FOCAD: variants seen among roughly 807,000 people sequenced by gnomAD.
FOCAD encodes focadhesin.
In FOCAD, 198 loss-of-function variants were observed where a neutral mutation model predicts 225.6. The observed-to-expected ratio is 0.88, with a 90% confidence interval of 0.78 to 0.99. The LOEUF (loss-of-function observed/expected upper bound fraction) is 0.99, where lower values mean the gene tolerates loss of function less well. FOCAD is among the 50% of genes least tolerant of loss of function. The pLI is 0.00. For synonymous variants in FOCAD, 897 were observed against 755.0 expected, an observed-to-expected ratio of 1.19 and a Z score of -3.08; for missense variants, 2,713 against 2,123.6, an observed-to-expected ratio of 1.28 and a Z score of -5.46.
intron 35 of FOCAD, among the ~76,000 whole-genome samples, chr9:20,964,782 C>G (rs1399766494): frequency 1.3e-5 from 2 of 152,182 alleles, no homozygotes; most frequent in Admixed American, 6.5e-5. Context: ...GATCCATCCT[C>G]CTCGGCCTCC....
chr9:20,658,132 C>T (rs565971583), upstream of FOCAD, among the ~76,000 whole-genome samples: 11 of 151,188 alleles, frequency 7.3e-5, no homozygotes, highest in African/African-American at 1.2e-4. Flanking sequence ...GCAGTCTGCC[C>T]GTTCTCAGAT....
chr9:20,806,268 G>A (rs927673788), intron 11 of FOCAD, among the ~76,000 whole-genome samples: 53 of 152,268 alleles, frequency 3.5e-4, no homozygotes, highest in African/African-American at 1.2e-3. Context: ...TCTATATGAA[G>A]TATTATTTTA....
chr9:20,984,865 A>G (rs951256387), intron 39 of FOCAD, among the ~76,000 whole-genome samples: 5 of 152,180 alleles, frequency 3.3e-5, no homozygotes, highest in African/African-American at 1.2e-4. Flanking sequence ...CAGTGGCATG[A>G]TCTCAACTCA....
intron 8 of FOCAD, among the ~76,000 whole-genome samples, chr9:20,776,311 G>A (rs1587120737): frequency 1.3e-5 from 2 of 152,212 alleles, no homozygotes; most frequent in Non-Finnish European, 2.9e-5. Flanking sequence ...GCATGGTGGA[G>A]CTTCAGGGGA....
intron 4 of FOCAD, among the ~76,000 whole-genome samples, chr9:20,739,199 C>T (rs1270602419): frequency 6.6e-6 from 1 of 152,172 alleles, no homozygotes; most frequent in African/African-American, 2.4e-5. Flanking sequence ...ATAAAGTTAA[C>T]ATTGATTTCT....
At chr9:20,878,137 G>A (rs1197786736) in intron 19 of FOCAD, among the ~76,000 whole-genome samples, 1 of 151,590 alleles carries the variant, frequency 6.6e-6, no homozygotes, top group East Asian at 1.9e-4. Flanking sequence ...AAAAAAAAAT[G>A]CATAAAACCA....
intron 16 of FOCAD, among the ~76,000 whole-genome samples, chr9:20,863,994 T>C (rs890624475): frequency 6.6e-6 from 1 of 152,048 alleles, no homozygotes; most frequent in African/African-American, 2.4e-5. Flanking sequence ...TATCTTATAC[T>C]AGGGTTCCTC....
intron 10 of FOCAD, among the ~76,000 whole-genome samples, chr9:20,782,798 T>C (rs1819510534): frequency 6.6e-6 from 1 of 152,232 alleles, no homozygotes; most frequent in African/African-American, 2.4e-5. Context: ...TTATGTTAAA[T>C]GCTCCAGCAG....
At chr9:20,930,127 T>G (rs1401382998) in intron 27 of FOCAD, among the ~76,000 whole-genome samples, 2 of 152,204 alleles carry the variant, frequency 1.3e-5, no homozygotes, top group African/African-American at 4.8e-5. Flanking sequence ...TTAAAGAGTC[T>G]TAATCTGTGC....
chr9:20,701,553 T>C (rs541539448), intron 1 of FOCAD, among the ~76,000 whole-genome samples: 78 of 152,346 alleles, frequency 5.1e-4, no homozygotes, highest in African/African-American at 1.9e-3. Flanking sequence ...ACAAGAAGTA[T>C]AGATTTACTA....
chr9:20,910,000 C>T (rs767398551), intron 22 of FOCAD, among the ~76,000 whole-genome samples: 1 of 152,022 alleles, frequency 6.6e-6, no homozygotes, highest in Non-Finnish European at 1.5e-5. Flanking sequence ...GTAGATTCTC[C>T]ATTACTTCCT....
intron 35 of FOCAD, among the ~76,000 whole-genome samples, chr9:20,962,369 T>C (rs1165070774): frequency 6.6e-6 from 1 of 151,964 alleles, no homozygotes; most frequent in African/African-American, 2.4e-5. Context: ...TAATATTTGT[T>C]TATCTATAAC....
chr9:20,887,086 A>G (rs1411449458), intron 21 of FOCAD, among the ~76,000 whole-genome samples: 1 of 152,198 alleles, frequency 6.6e-6, no homozygotes, highest in Non-Finnish European at 1.5e-5. Context: ...AAGCTCTCTT[A>G]AATCATCTCC....
Position 20,946,712 on chromosome 9 carries a change from C to T in FOCAD, c.3567C>T (p.Tyr1189=), listed in dbSNP as rs1030351241. The change falls in exon 30 of 44, where the codon TAC becomes TAT. Residue 1189 remains tyrosine (Y), a synonymous_variant. Transcript: ENST00000338382. ...QSRTFQEVLA[Y]TLSCVCTSAF... Reference sequence around the variant, plus strand: ...TATTTTCTTCTCAGGTCCTTGCCTACACACTTAGCTGTGTATGTACATCAG... The same window carrying T: ...TATTTTCTTCTCAGGTCCTTGCCTATACACTTAGCTGTGTATGTACATCAG... 8.1e-6 allele frequency: 13 copies of T among 1,611,924 alleles called. No homozygotes were observed. Among genetic ancestry groups the T allele is most frequent in the Non-Finnish European group, 1.0e-5 (12 of 1,179,094 alleles).
Position 20,885,165 on chromosome 9 carries a change from T to C in FOCAD, c.2560T>C (p.Leu854=). The C allele has an allele frequency of 6.5e-7, 1 of 1,548,206 alleles. No homozygotes were observed. The highest frequency in any genetic ancestry group is 8.7e-7 in the Non-Finnish European group (1 of 1,144,924). ...GTATCAGAGTAAAGATGGAAAACCA[T>C]TGAACAGACTGATGGCCAGCAGAGG... ...SMYQSKDGKP[L]NRLMASRGRS... The change falls in exon 21 of 44, where the codon TTG becomes CTG. Residue 854 remains leucine, a synonymous_variant. Coordinates refer to ENST00000338382, the MANE Select transcript of FOCAD (RefSeq NM_001375567.1).
intron 43 of FOCAD, among the ~76,000 whole-genome samples, chr9:20,993,637 TGTTAA>T (rs1841849289): frequency 6.6e-6 from 1 of 152,190 alleles, no homozygotes. Context: ...AGGTACTTGG[TGTTAA>T]GTACTTATGT....
chr9:20,882,752 T>C lies in FOCAD; in HGVS notation c.2503+696T>C, dbSNP rs533358263. On this transcript the variant is annotated intron_variant, in intron 20 of 43. Coordinates refer to ENST00000338382, the MANE Select transcript of FOCAD (RefSeq NM_001375567.1). ...AGAGTGACACAACTCAGAACTTGAG[T>C]GACCTTGAGCACAAGGCCAATTTCT... is the stretch of plus-strand genomic sequence containing the variant. 1.1e-4 allele frequency among the ~76,000 whole-genome samples: 17 copies of C among 152,266 alleles called. No individual in the cohort carries two copies. In the South Asian group the frequency reaches 3.3e-3, roughly 30 times the overall value.
intron 21 of FOCAD, among the ~76,000 whole-genome samples, chr9:20,906,631 G>A (rs1027666998): frequency 6.6e-6 from 1 of 152,012 alleles, no homozygotes; most frequent in Non-Finnish European, 1.5e-5. Flanking sequence ...ATCTAGTGGT[G>A]TGCACAATTG....
chr9:20,832,614 A>G (rs1432381239), intron 15 of FOCAD, among the ~76,000 whole-genome samples: 1 of 151,950 alleles, frequency 6.6e-6, no homozygotes, highest in South Asian at 2.1e-4. Context: ...TAGTCACTCA[A>G]TTGTGCTATA....
Sources: allele counts gnomAD v4.1 joint callset (sites outside exome capture counted in the v4.1 genomes callset), GRCh38; gene constraint gnomAD v4.1.1; transcripts MANE v1.5; gene names NCBI Gene and HGNC (gene_info 2026-07-23, HGNC 2026-07-21).